The following RAB36 variants were observed in gnomAD, a reference collection of about 807,000 sequenced individuals.
RAB36 encodes ras-related protein Rab-36.
In RAB36, 33 loss-of-function variants were observed where a neutral mutation model predicts 39.3. That is an observed-to-expected ratio of 0.84 (90% CI 0.64 to 1.12). RAB36 has a LOEUF of 1.12. Ranked by LOEUF, RAB36 falls within the 50% of genes most tolerant of loss-of-function variation. The pLI is 0.00. For missense variants in RAB36, 308 were observed against 355.3 expected, an observed-to-expected ratio of 0.87 and a Z score of 1.07; for synonymous variants, 133 against 140.2, an observed-to-expected ratio of 0.95 and a Z score of 0.36.
chr22:23,167,048 C>T (rs1342483171), downstream of RAB36, among the ~76,000 whole-genome samples: 1 of 152,088 alleles, frequency 6.6e-6, no homozygotes, highest in African/African-American at 2.4e-5. Context: ...GAGGTGCAGA[C>T]AGCTGAAGAG....
intron 3 of RAB36, 96 bp from the exon 4 acceptor site, chr22:23,152,363 GTC>G (rs944722120): frequency 3.2e-6 from 4 of 1,259,510 alleles, no homozygotes; most frequent in Non-Finnish European, 4.6e-6. Context: ...AGTGAGGGGT[GTC>G]TCACCAGCAG....
intron 2 of RAB36, among the ~76,000 whole-genome samples, chr22:23,148,086 T>C (rs1260678642): frequency 2.0e-5 from 3 of 152,140 alleles, no homozygotes; most frequent in Non-Finnish European, 4.4e-5. Flanking sequence ...TTGGATTCTG[T>C]GGCCAGGCTG....
In RAB36 at chr22:23,150,013, G is replaced by T. The variant is rs369887833; in HGVS notation, c.70-50G>T. On this transcript the variant is annotated intron_variant, in intron 2 of 10. Transcript: ENST00000263116. ...CCCCTCACTGCTTGGCTACGAGGGC[G>T]GAGCCACAGCTTTGCAGGATGATGT... 11 of 1,443,468 alleles carry T rather than the reference G, an allele frequency of 7.6e-6. No individual in the cohort carries two copies. The Admixed American group carries it at 2.1e-4, about 28-fold the overall frequency. 89.4% of individuals were successfully genotyped at this position (1,443,468 alleles called of 1,614,324 possible).
intron 10 of RAB36, 26 bp from the exon 11 acceptor site, chr22:23,161,474 C>G (rs747954362): frequency 1.3e-6 from 2 of 1,582,784 alleles, no homozygotes; most frequent in East Asian, 4.5e-5. Flanking sequence ...CTGGTTGATG[C>G]TAAATTACTT....
Position 23,153,088 on chromosome 22 carries a change from G to A in RAB36, c.283G>A (p.Glu95Lys). 1 of 1,614,154 alleles carries A rather than the reference G, an allele frequency of 6.2e-7. No homozygotes were observed. The highest frequency in any genetic ancestry group is 8.5e-7 in the Non-Finnish European group (1 of 1,180,020). Reference protein sequence around the residue: ...DYKATIGVDFEIERFEIAGIP... With the variant: ...DYKATIGVDFKIERFEIAGIP... The stretch of plus-strand genomic sequence containing the variant: ...CAAGGCCACCATTGGGGTGGACTTT[G>A]AAATTGAGCGCTTTGAGATTGCTGG... The change falls in exon 5 of 11, where the codon GAA (glutamate) becomes AAA (lysine). Residue 95 changes from glutamate to lysine, a missense_variant. By Grantham distance (56) the Glu-to-Lys change is moderately conservative. Transcript: ENST00000263116.
rs999003865 is a variant in RAB36 at position 23,145,948 on chromosome 22, G to A, written c.-13+397G>A. The A allele has an allele frequency of 1.3e-5, 13 of 984,364 alleles. No individual in the cohort carries two copies. The African/African-American group carries it at 2.3e-4, about 17-fold the overall frequency. The allele number at this position is 984,364 out of a possible 1,614,324, so 61.0% of individuals were successfully genotyped here. The stretch of plus-strand genomic sequence containing the variant: ...GCCCCCAGGCCCACCTAGAGCCTTC[G>A]TCCTTTGCAGACTGGGAGCAGGAGA... On this transcript the variant is annotated intron_variant, in intron 1 of 10. Coordinates refer to ENST00000263116, the MANE Select transcript of RAB36 (RefSeq NM_004914.5).
chr22:23,150,143 G>A lies in RAB36; in HGVS notation c.150G>A (p.Thr50=), dbSNP rs373789877. 42 of 1,610,874 alleles carry A rather than the reference G, an allele frequency of 2.6e-5. No individual in the cohort carries two copies. The highest frequency in any genetic ancestry group is 1.1e-4 in the African/African-American group (8 of 74,904). The part of the protein sequence containing the change: ...QVSAACQRRN[T]GTVGLKLSKV... ...GCGCTGCCTGCCAACGCAGGAACACGGGGACTGTCGGGTGAGCCTGCAGGG... is the reference window on the plus strand; with the variant it reads ...GCGCTGCCTGCCAACGCAGGAACACAGGGACTGTCGGGTGAGCCTGCAGGG... The change falls in exon 3 of 11, where the codon ACG becomes ACA. Residue 50 remains threonine, a synonymous_variant. Coordinates refer to ENST00000263116, the MANE Select transcript of RAB36 (RefSeq NM_004914.5).
chr22:23,166,701 G>A (rs896189138), downstream of RAB36, among the ~76,000 whole-genome samples: 4 of 152,142 alleles, frequency 2.6e-5, no homozygotes, highest in African/African-American at 4.8e-5. Flanking sequence ...TAGTCTCACA[G>A]TGCAGCCTCA....
At chr22:23,166,147 TAAAAAAAAA>T (rs695297), downstream of RAB36, among the ~76,000 whole-genome samples, 10 of 59,888 alleles carry the variant, frequency 1.7e-4, no homozygotes, top group African/African-American at 5.0e-4. Context: ...CTCTGTCTTT[TAAAAAAAAA>T]AAAAAAAAAA....
intron 7 of RAB36, 104 bp downstream of exon 7, chr22:23,158,147 G>A: frequency 6.5e-7 from 1 of 1,548,526 alleles, no homozygotes. Context: ...TGGTGGGTGT[G>A]AGTGACCAGG....
chr22:23,161,071 C>A, intron 10 of RAB36, 73 bp downstream of exon 10: 2 of 1,510,464 alleles, frequency 1.3e-6, no homozygotes, highest in Admixed American at 2.1e-5. Flanking sequence ...CCATCCTCGT[C>A]ACCTGAGGCC....
In RAB36 at chr22:23,161,650, C is replaced by A; in HGVS notation, c.*86C>A. 1 of 1,213,510 alleles carries A rather than the reference C, an allele frequency of 8.2e-7. No individual in the cohort carries two copies. Among genetic ancestry groups the A allele is most frequent in the Non-Finnish European group, 1.2e-6 (1 of 863,126 alleles). 75.2% of individuals were successfully genotyped at this position (1,213,510 alleles called of 1,614,324 possible). Reference sequence around the variant, plus strand: ...TGTGGTGTGGAGACTGGAGCCCAAGCTCTGCAGCGTGTCGCCCTCAAGCTG... The same window carrying A: ...TGTGGTGTGGAGACTGGAGCCCAAGATCTGCAGCGTGTCGCCCTCAAGCTG... On this transcript the variant is annotated 3_prime_UTR_variant, in exon 11 of 11. Transcript: ENST00000263116.
chr22:23,161,469 T>G (rs1250773073), intron 10 of RAB36, 31 bp from the exon 11 acceptor site: 1 of 1,569,526 alleles, frequency 6.4e-7, no homozygotes, highest in South Asian at 1.1e-5. Flanking sequence ...GATTCCTGGT[T>G]GATGCTAAAT....
rs1370990055 is a variant in RAB36 at position 23,152,503 on chromosome 22, G to T, written c.204G>T (p.Val68=). 1 of 1,614,140 alleles carries T rather than the reference G, an allele frequency of 6.2e-7. No homozygotes were observed. Among genetic ancestry groups the T allele is most frequent in the East Asian group, 2.2e-5 (1 of 44,864 alleles). Residue 68 remains valine, a synonymous_variant, in exon 4 of 11, where the codon GTG becomes GTT. Coordinates refer to ENST00000263116, the MANE Select transcript of RAB36 (RefSeq NM_004914.5). ...SKVVVVGDLY[V]GKTSLIHRFC... ...TGGTGGTGGTTGGCGATCTCTACGTGGGGAAGACCAGCCTCATCCACAGGT... is the reference window on the plus strand; with the variant it reads ...TGGTGGTGGTTGGCGATCTCTACGTTGGGAAGACCAGCCTCATCCACAGGT...
chr22:23,153,166 C>A, intron 5 of RAB36, 32 bp downstream of exon 5: 1 of 1,497,442 alleles, frequency 6.7e-7, no homozygotes, highest in Non-Finnish European at 9.3e-7. Flanking sequence ...GGCTCGTGGG[C>A]AGCTTCCTAC....
At chr22:23,153,955 C>T (rs150725970) in intron 5 of RAB36, among the ~76,000 whole-genome samples, 317 of 152,252 alleles carry the variant, frequency 2.1e-3, no homozygotes, top group African/African-American at 7.1e-3. Flanking sequence ...TCCCAAAGTG[C>T]TGGGATTACA....
At position 23,152,500 on chromosome 22, in the gene RAB36, C is replaced by T. The variant is rs921725504; in HGVS notation, c.201C>T (p.Tyr67=). ...LSKVVVVGDL[Y]VGKTSLIHRF... Reference sequence around the variant, plus strand: ...AGGTGGTGGTGGTTGGCGATCTCTACGTGGGGAAGACCAGCCTCATCCACA... The same window carrying T: ...AGGTGGTGGTGGTTGGCGATCTCTATGTGGGGAAGACCAGCCTCATCCACA... Residue 67 remains tyrosine, a synonymous_variant, in exon 4 of 11, where the codon TAC becomes TAT. Coordinates refer to ENST00000263116, the MANE Select transcript of RAB36 (RefSeq NM_004914.5). The T allele has an allele frequency of 6.8e-6, 11 of 1,614,058 alleles. No individual in the cohort carries two copies. The African/African-American group carries it at 8.0e-5, about 12-fold the overall frequency.
chr22:23,152,816 T>G (rs2071234850), intron 4 of RAB36, among the ~76,000 whole-genome samples: 1 of 152,176 alleles, frequency 6.6e-6, no homozygotes, highest in African/African-American at 2.4e-5. Flanking sequence ...TCAGTTTCGC[T>G]CAGTTTCTAA....
In RAB36 at chr22:23,150,638, C is replaced by T. The variant is rs557085100; in HGVS notation, c.161+484C>T. On this transcript the variant is annotated intron_variant, in intron 3 of 10. Transcript: ENST00000263116. ...TTTTCATCTGGCTTCAGTTAACACA[C>T]CTGCCATATGGAACAACTTTCCCTC... 6.6e-5 allele frequency among the ~76,000 whole-genome samples: 10 copies of T among 152,256 alleles called. No homozygotes were observed. In the South Asian group the frequency reaches 2.1e-3, roughly 32 times the overall value.
Sources: gnomAD v4.1 joint callset for allele counts (sites outside exome capture counted in the v4.1 genomes callset) on GRCh38, gnomAD v4.1.1 for gene constraint, MANE v1.5 for transcripts, NCBI Gene and HGNC (gene_info 2026-07-23, HGNC 2026-07-21) for gene names.